Variants in RAMP1 observed in about 807,000 individuals in gnomAD.
RAMP1 encodes the protein receptor activity modifying protein 1, also known as receptor activity-modifying protein 1.
A neutral mutation model predicts 8.2 loss-of-function variants in RAMP1; 7 were observed. That is an observed-to-expected ratio of 0.85 (90% CI 0.49 to 1.60). The LOEUF is 1.60. Ranked by LOEUF, RAMP1 falls within the 40% of genes most tolerant of loss-of-function variation. RAMP1 has a pLI of 0.00. For missense variants in RAMP1, 192 were observed against 202.4 expected (o/e 0.95, Z 0.31); for synonymous variants, 92 against 84.7 (o/e 1.09, Z -0.47).
At position 237,878,729 on chromosome 2, in the gene RAMP1, G is replaced by A. The variant is rs1286117705; in HGVS notation, c.191+1367G>A. Among the ~76,000 whole-genome samples the A allele has an allele frequency of 6.6e-6, 1 of 152,238 alleles. No individual in the cohort carries two copies. The highest frequency in any genetic ancestry group is 1.5e-5 in the Non-Finnish European group (1 of 68,044). On this transcript the variant is annotated intron_variant, in intron 2 of 2. Transcript: ENST00000254661. The surrounding 1 kb of genome is among the most constrained non-coding windows in gnomAD (Gnocchi z 5.7). The stretch of plus-strand genomic sequence containing the variant: ...AGTCCGTGCTCAGTGCACTGTTGTT[G>A]AGGCGACTCTGTACCTTGGGAGCCC...
chr2:237,892,903 A>G (rs866765589), intron 2 of RAMP1, among the ~76,000 whole-genome samples: 29 of 152,284 alleles, frequency 1.9e-4, no homozygotes, highest in African/African-American at 5.8e-4. Flanking sequence ...CACTATTTGC[A>G]TACTTTTATC....
At chr2:237,886,341 C>A (rs1456991607) in intron 2 of RAMP1, among the ~76,000 whole-genome samples, 1 of 152,200 alleles carries the variant, frequency 6.6e-6, no homozygotes, top group Non-Finnish European at 1.5e-5. Context: ...TTGGCAGCCG[C>A]CCCTGGAATG....
intron 2 of RAMP1, among the ~76,000 whole-genome samples, chr2:237,911,083 T>TA (rs2062707798): frequency 6.6e-6 from 1 of 150,520 alleles, no homozygotes; most frequent in South Asian, 2.1e-4. Flanking sequence ...GAATAACAGT[T>TA]ACACATAGTC....
intron 2 of RAMP1, among the ~76,000 whole-genome samples, chr2:237,893,699 G>A (rs988119235): frequency 5.3e-5 from 8 of 152,156 alleles, no homozygotes; most frequent in Admixed American, 5.2e-4. Flanking sequence ...AGCACTTTGG[G>A]AGGCCAAGGC....
intron 2 of RAMP1, among the ~76,000 whole-genome samples, chr2:237,899,757 G>T (rs1256146210): frequency 2.6e-5 from 4 of 152,192 alleles, no homozygotes; most frequent in Non-Finnish European, 5.9e-5. Context: ...TAAATGAACT[G>T]GGAAGCTGCA....
chr2:237,903,718 A>G (rs773815837), intron 2 of RAMP1, among the ~76,000 whole-genome samples: 3 of 152,090 alleles, frequency 2.0e-5, no homozygotes, highest in Non-Finnish European at 4.4e-5. Flanking sequence ...TCTTTAAGAC[A>G]GAGTCTCGCT....
rs531082284 is a variant in RAMP1, at chr2:237,874,650, A to G, written c.53-2574A>G. The G allele has an allele frequency of 7.1e-6, 7 of 984,906 alleles. No homozygotes were observed. In the South Asian group the frequency reaches 3.3e-4, roughly 46 times the overall value. The allele number at this position is 984,906 out of a possible 1,614,324, so 61.0% of individuals were successfully genotyped here. ...ACCCAATCTTTCCACTCCAGGCAGG[A>G]TAGCCTGAGGCACGCTTGCTTCACT... On this transcript the variant is annotated intron_variant, in intron 1 of 2. Coordinates refer to ENST00000254661, the MANE Select transcript of RAMP1 (RefSeq NM_005855.4).
Position 237,902,413 on chromosome 2 carries a change from C to T in RAMP1, c.192-9115C>T, listed in dbSNP as rs575532293. ...GGAGGAAGAGGAGGGGCCAGAAGGACAGGGAGATGGAGGAGGGAACAGGAG... is the reference window on the plus strand; with the variant it reads ...GGAGGAAGAGGAGGGGCCAGAAGGATAGGGAGATGGAGGAGGGAACAGGAG... On this transcript the variant is annotated intron_variant, in intron 2 of 2. Coordinates refer to ENST00000254661, the MANE Select transcript of RAMP1 (RefSeq NM_005855.4). 2.7e-5 allele frequency among the ~76,000 whole-genome samples: 4 copies of T among 148,276 alleles called. No homozygotes were observed. The South Asian group carries it at 8.5e-4, about 31-fold the overall frequency.
In RAMP1 at chr2:237,877,130, G is replaced by C. The variant is rs561856218; in HGVS notation, c.53-94G>C. On this transcript the variant is annotated intron_variant, in intron 1 of 2. Transcript: ENST00000254661. The surrounding 1 kb of genome is among the most constrained non-coding windows in gnomAD (Gnocchi z 4.4). ...GGGGTTGCTTAGAGGCCCCGTTCTC[G>C]TGGAGTCCGGGCTGCAGGGGCGCGC... The C allele has an allele frequency of 6.5e-7, 1 of 1,539,438 alleles. No individual in the cohort carries two copies. The highest frequency in any genetic ancestry group is 8.9e-7 in the Non-Finnish European group (1 of 1,124,580).
intron 1 of RAMP1, among the ~76,000 whole-genome samples, chr2:237,861,885 T>C (rs1159946604): frequency 1.3e-5 from 2 of 152,086 alleles, no homozygotes; most frequent in African/African-American, 4.8e-5. Flanking sequence ...CATATATAGT[T>C]CTTTTCCCTC....
At chr2:237,903,854 C>G (rs987821166) in intron 2 of RAMP1, among the ~76,000 whole-genome samples, 9 of 152,172 alleles carry the variant, frequency 5.9e-5, no homozygotes, top group Non-Finnish European at 1.3e-4. Context: ...GCCACCACGC[C>G]CGGCTAATTT....
At chr2:237,890,358 C>A (rs1018420229) in intron 2 of RAMP1, among the ~76,000 whole-genome samples, 1 of 152,056 alleles carries the variant, frequency 6.6e-6, no homozygotes, top group African/African-American at 2.4e-5. Context: ...CTCACCACCA[C>A]GCCTGGCTAA....
intron 2 of RAMP1, among the ~76,000 whole-genome samples, chr2:237,910,210 CCA>C (rs2151025047): frequency 6.7e-6 from 1 of 150,224 alleles, no homozygotes; most frequent in East Asian, 2.0e-4. Flanking sequence ...ACAGTTACAC[CCA>C]CACACAGGGA....
At chr2:237,888,568 T>C (rs907441736) in intron 2 of RAMP1, among the ~76,000 whole-genome samples, 1 of 152,182 alleles carries the variant, frequency 6.6e-6, no homozygotes, top group African/African-American at 2.4e-5. Flanking sequence ...TCTCTGACAG[T>C]TATTTGGAAT....
At chr2:237,892,753 CTCTCT>C (rs1477094431) in intron 2 of RAMP1, among the ~76,000 whole-genome samples, 3 of 151,650 alleles carry the variant, frequency 2.0e-5, no homozygotes, top group Non-Finnish European at 4.4e-5. Flanking sequence ...CTCTCTCTCT[CTCTCT>C]TCTCCATCCT....
chr2:237,882,300 C>T (rs549076486), intron 2 of RAMP1, among the ~76,000 whole-genome samples: 2 of 152,354 alleles, frequency 1.3e-5, no homozygotes, highest in South Asian at 2.1e-4. Flanking sequence ...AATGGGTCCT[C>T]ACCGCCTGCT....
intron 2 of RAMP1, among the ~76,000 whole-genome samples, chr2:237,887,172 G>T (rs932260724): frequency 1.3e-5 from 2 of 152,178 alleles, no homozygotes; most frequent in African/African-American, 4.8e-5. Flanking sequence ...TGTGGGGAGG[G>T]CAGTGGGTAG....
chr2:237,887,299 C>T (rs565918970), intron 2 of RAMP1, among the ~76,000 whole-genome samples: 1 of 152,336 alleles, frequency 6.6e-6, no homozygotes, highest in African/African-American at 2.4e-5. Context: ...CTCCCAGGCA[C>T]AGGCAGGGCC....
chr2:237,864,428 G>C (rs1376305491), intron 1 of RAMP1, among the ~76,000 whole-genome samples: 1 of 152,248 alleles, frequency 6.6e-6, no homozygotes, highest in Non-Finnish European at 1.5e-5. Context: ...CTGACACCCG[G>C]GGTGGCTCTC....
Sources: allele counts gnomAD v4.1 joint callset (sites outside exome capture counted in the v4.1 genomes callset), GRCh38; gene constraint gnomAD v4.1.1; non-coding constraint Gnocchi (gnomAD v3.1); transcripts MANE v1.5; gene names NCBI Gene and HGNC (gene_info 2026-07-23, HGNC 2026-07-21).